APOBEC3C: variants seen among roughly 807,000 people sequenced by gnomAD.
APOBEC3C encodes the protein apolipoprotein B mRNA editing enzyme catalytic subunit 3C, also known as DNA dC->dU-editing enzyme APOBEC-3C.
A neutral mutation model predicts 20.6 loss-of-function variants in APOBEC3C; 14 were observed. That is an observed-to-expected ratio of 0.68 (90% CI 0.45 to 1.06). The LOEUF (loss-of-function observed/expected upper bound fraction) is 1.06, where lower values mean the gene tolerates loss of function less well. Ranked by LOEUF, APOBEC3C falls within the 50% of genes least tolerant of loss-of-function variation. The probability of loss-of-function intolerance (pLI) is 0.00; values close to 1 mark genes in which losing one functional copy is unlikely to be tolerated. For synonymous variants in APOBEC3C, 98 were observed against 88.8 expected, an observed-to-expected ratio of 1.10 and a Z score of -0.58; for missense variants, 244 against 241.9, an observed-to-expected ratio of 1.01 and a Z score of -0.06.
At chr22:39,014,511 C>T in intron 1 of APOBEC3C, 132 bp downstream of exon 1, 1 of 1,096,564 alleles carries the variant, frequency 9.1e-7, no homozygotes, top group Admixed American at 2.1e-5. Context: ...TCCCCCGCTG[C>T]CCCCACTCCC....
At position 39,018,396 on chromosome 22, in the gene APOBEC3C, C is replaced by T. The variant is rs889422195; in HGVS notation, c.*9C>T. ...GGGAGAGTCTCCAGTGAGGGGTCTC[C>T]CTGGGCCTCATGGTCTGTCTCCTCT... is the stretch of plus-strand genomic sequence containing the variant. On this transcript the variant is annotated 3_prime_UTR_variant, in exon 4 of 4. Transcript: ENST00000361441. 1 of 1,612,130 alleles carries T rather than the reference C, an allele frequency of 6.2e-7. No homozygotes were observed. Among genetic ancestry groups the T allele is most frequent in the African/African-American group, 1.3e-5 (1 of 74,790 alleles).
chr22:39,014,985 T>C (rs925364537), intron 1 of APOBEC3C, among the ~76,000 whole-genome samples: 5 of 150,924 alleles, frequency 3.3e-5, no homozygotes, highest in Non-Finnish European at 7.4e-5. Flanking sequence ...TAGGAAAAAA[T>C]ATGATGATCA....
In APOBEC3C at chr22:39,014,375, A is replaced by C; in HGVS notation, c.13A>C (p.Ile5Leu). The change falls in exon 1 of 4, where the codon ATC becomes CTC. Residue 5 changes from isoleucine to leucine, a missense_variant. Ile to Leu is a conservative substitution (Grantham distance 5, BLOSUM62 2). Transcript: ENST00000361441. Reference protein sequence around the residue: MNPQIRNPMKAMYPG... With the variant: MNPQLRNPMKAMYPG... ...TAAGAGGCTGAACATGAATCCACAGATCAGGTACCTCTGCACGCTTTGTCC... is the reference window on the plus strand; with the variant it reads ...TAAGAGGCTGAACATGAATCCACAGCTCAGGTACCTCTGCACGCTTTGTCC... 1 of 1,614,194 alleles carries C rather than the reference A, an allele frequency of 6.2e-7. No homozygotes were observed. Among genetic ancestry groups the C allele is most frequent in the Non-Finnish European group, 8.5e-7 (1 of 1,180,010 alleles).
Position 39,018,277 on chromosome 22 carries a change from T to G in APOBEC3C, c.463T>G (p.Tyr155Asp). Residue 155 changes from tyrosine (Y) to aspartate (D), a missense_variant, in exon 4 of 4, where the codon TAT (tyrosine) becomes GAT (aspartate). Transcript: ENST00000361441. ...TCCTTGTTTTTTCTCAGATTTTAAA[T>G]ATTGTTGGGAAAACTTTGTGTACAA... ...VEIMDYEDFK[Y>D]CWENFVYNDN... 5.0e-6 allele frequency: 8 copies of G among 1,613,674 alleles called. No individual in the cohort carries two copies. Among genetic ancestry groups the G allele is most frequent in the Non-Finnish European group, 6.8e-6 (8 of 1,179,776 alleles).
At position 39,018,880 on chromosome 22, in the gene APOBEC3C, T is replaced by C. The variant is rs1924907612; in HGVS notation, c.*493T>C. The C allele has an allele frequency of 7.1e-6, 1 of 141,462 alleles. No individual in the cohort carries two copies. The highest frequency in any genetic ancestry group is 7.0e-5 in the Admixed American group (1 of 14,222). 8.8% of individuals were successfully genotyped at this position (141,462 alleles called of 1,614,324 possible). On this transcript the variant is annotated 3_prime_UTR_variant, in exon 4 of 4. Transcript: ENST00000361441. ...GGTGGCATGCATCTGTAGTCCAAGC[T>C]ACTTGGGAGGCTGAAGTGGGAGGAT...
In APOBEC3C at chr22:39,016,000, C is replaced by T. The variant is rs1219835420; in HGVS notation, c.174+249C>T. 3.3e-5 allele frequency among the ~76,000 whole-genome samples: 5 copies of T among 151,792 alleles called. No homozygotes were observed. In the East Asian group the frequency reaches 9.7e-4, roughly 29 times the overall value. Reference sequence around the variant, plus strand: ...ACGCGATTCTCCTGCCTCAGTCTCCCGAGTAGCTGGGATTACAGGCACCTG... The same window carrying T: ...ACGCGATTCTCCTGCCTCAGTCTCCTGAGTAGCTGGGATTACAGGCACCTG... On this transcript the variant is annotated intron_variant, in intron 2 of 3. Coordinates refer to ENST00000361441, the MANE Select transcript of APOBEC3C (RefSeq NM_014508.3).
rs1162715101 is a variant in APOBEC3C at position 39,020,092 on chromosome 22, G to A, written c.*1705G>A. The A allele has an allele frequency of 2.0e-5, 3 of 152,136 alleles. No individual in the cohort carries two copies. Among genetic ancestry groups the A allele is most frequent in the African/African-American group, 4.8e-5 (2 of 41,404 alleles). 9.4% of individuals were successfully genotyped at this position (152,136 alleles called of 1,614,324 possible). A position where few individuals can be genotyped will look rare whatever the true frequency, so the allele number is the denominator to read the frequency against. ...ATTACAGGCATCAGCCACTATGCCC[G>A]GCTGGGATCATATGTTCCACACATG... On this transcript the variant is annotated 3_prime_UTR_variant, in exon 4 of 4. Coordinates refer to ENST00000361441, the MANE Select transcript of APOBEC3C (RefSeq NM_014508.3).
At chr22:39,017,334 T>C (rs1360437899) in intron 2 of APOBEC3C, among the ~76,000 whole-genome samples, 1 of 150,542 alleles carries the variant, frequency 6.6e-6, no homozygotes, top group African/African-American at 2.4e-5. Context: ...GCCAGAAAAA[T>C]GAAAAGTAAA....
Position 39,017,822 on chromosome 22 carries a change from C to A in APOBEC3C, c.231C>A (p.Asp77Glu). 1.9e-6 allele frequency: 3 copies of A among 1,614,050 alleles called. No homozygotes were observed. Among genetic ancestry groups the A allele is most frequent in the Non-Finnish European group, 2.5e-6 (3 of 1,179,934 alleles). ...AERCFLSWFCDDILSPNTKYQ... is the reference protein window; with the variant it reads ...AERCFLSWFCEDILSPNTKYQ... ...GGTGCTTCCTCTCTTGGTTCTGCGA[C>A]GACATACTGTCTCCTAACACAAAGT... The change falls in exon 3 of 4, where the codon GAC (aspartate) becomes GAA (glutamate). Residue 77 changes from aspartate (D) to glutamate (E), a missense_variant. By Grantham distance (45) the Asp-to-Glu change is conservative. Transcript: ENST00000361441.
chr22:39,015,721 C>A lies in APOBEC3C; in HGVS notation c.144C>A (p.Val48=), dbSNP rs773238757. 6.2e-7 allele frequency: 1 copy of A among 1,614,046 alleles called. No homozygotes were observed. Among genetic ancestry groups the A allele is most frequent in the East Asian group, 2.2e-5 (1 of 44,878 alleles). ...AAGGTATAAAGCGCCGCTCAGTTGT[C>A]TCCTGGAAGACGGGCGTCTTCCGAA... is the stretch of plus-strand genomic sequence containing the variant. The part of the protein sequence containing the change: ...TVEGIKRRSV[V]SWKTGVFRNQ... The change falls in exon 2 of 4, where the codon GTC becomes GTA. Residue 48 remains valine, a synonymous_variant. Transcript: ENST00000361441.
intron 2 of APOBEC3C, 91 bp downstream of exon 2, chr22:39,015,842 C>A: frequency 7.6e-7 from 1 of 1,311,958 alleles, no homozygotes; most frequent in Non-Finnish European, 1.1e-6. Flanking sequence ...CCGGCGTGGG[C>A]TCTCCTGTGT....
chr22:39,015,572 G>A (rs758913511), intron 1 of APOBEC3C, 23 bp from the exon 2 acceptor site: 1 of 1,611,844 alleles, frequency 6.2e-7, no homozygotes, highest in Non-Finnish European at 8.5e-7. Context: ...CTCTGCATTG[G>A]GGTTTCTCTC....
At position 39,019,691 on chromosome 22, in the gene APOBEC3C, C is replaced by G. The variant is rs998688143; in HGVS notation, c.*1304C>G. On this transcript the variant is annotated 3_prime_UTR_variant, in exon 4 of 4. Transcript: ENST00000361441. ...CGAGGGGTGGGTGGGGTTGTTTCCT[C>G]TGAGGCCGCTCCTTCTGGCTGGCAG... is the stretch of plus-strand genomic sequence containing the variant. The G allele has an allele frequency of 5.3e-5, 8 of 151,832 alleles. No individual in the cohort carries two copies. The highest frequency in any genetic ancestry group is 1.9e-4 in the African/African-American group (8 of 41,312). 9.4% of individuals were successfully genotyped at this position (151,832 alleles called of 1,614,324 possible).
chr22:39,019,681 G>A lies in APOBEC3C; in HGVS notation c.*1294G>A, dbSNP rs1378635627. 2.0e-5 allele frequency: 3 copies of A among 151,950 alleles called. No homozygotes were observed. Among genetic ancestry groups the A allele is most frequent in the African/African-American group, 4.8e-5 (2 of 41,324 alleles). The allele number at this position is 151,950 out of a possible 1,614,324, so 9.4% of individuals were successfully genotyped here. A position where few individuals can be genotyped will look rare whatever the true frequency, so the allele number is the denominator to read the frequency against. On this transcript the variant is annotated 3_prime_UTR_variant, in exon 4 of 4. Transcript: ENST00000361441. ...GGTCCAACTTCGAGGGGTGGGTGGG[G>A]TTGTTTCCTCTGAGGCCGCTCCTTC...
chr22:39,018,103 G>C (rs1385897747), intron 3 of APOBEC3C, 58 bp downstream of exon 3: 1 of 1,597,050 alleles, frequency 6.3e-7, no homozygotes. Flanking sequence ...AGGGGCAGAT[G>C]GTTCTCCAAT....
In APOBEC3C at chr22:39,018,533, C is replaced by A; in HGVS notation, c.*146C>A. The A allele has an allele frequency of 3.3e-6, 3 of 908,692 alleles. No homozygotes were observed. The South Asian group carries it at 5.0e-5, about 15-fold the overall frequency. The allele number at this position is 908,692 out of a possible 1,614,324, so 56.3% of individuals were successfully genotyped here. ...AGGGCCATTCCACAGTGCTCCCCTG[C>A]CTCACCGCTTCCTCCTCGCTCTTCC... On this transcript the variant is annotated 3_prime_UTR_variant, in exon 4 of 4. Transcript: ENST00000361441.
rs532538893 is a variant in APOBEC3C, at chr22:39,016,080, G to A, written c.174+329G>A. Among the ~76,000 whole-genome samples, 31 of 151,874 alleles carry A rather than the reference G, an allele frequency of 2.0e-4. No individual in the cohort carries two copies. In the East Asian group the frequency reaches 2.7e-3, roughly 13 times the overall value. ...TTTAGTAGAAACAGGATTTTGCCAT[G>A]TTGGCCAGGCTGGTTTCGAACTCCT... On this transcript the variant is annotated intron_variant, in intron 2 of 3. Coordinates refer to ENST00000361441, the MANE Select transcript of APOBEC3C (RefSeq NM_014508.3).
At chr22:39,017,063 C>A (rs149430700) in intron 2 of APOBEC3C, among the ~76,000 whole-genome samples, 1,857 of 152,072 alleles carry the variant, frequency 0.012, 35 homozygotes, top group African/African-American at 0.042. Context: ...GAAACCCAGT[C>A]TCTACTAAAA....
Position 39,018,642 on chromosome 22 carries a change from C to T in APOBEC3C, c.*255C>T, listed in dbSNP as rs1555897355. 2.0e-5 allele frequency: 7 copies of T among 349,830 alleles called. No individual in the cohort carries two copies. The highest frequency in any genetic ancestry group is 1.0e-5 in the Non-Finnish European group (2 of 190,728). 21.7% of individuals were successfully genotyped at this position (349,830 alleles called of 1,614,324 possible). On this transcript the variant is annotated 3_prime_UTR_variant, in exon 4 of 4. Transcript: ENST00000361441. Reference sequence around the variant, plus strand: ...CCCCGTTCCTCCAGCCTGCGTGCCCCTAACCTGGCTTTTCCCATCTCCCCA... The same window carrying T: ...CCCCGTTCCTCCAGCCTGCGTGCCCTTAACCTGGCTTTTCCCATCTCCCCA...
Sources: gnomAD v4.1 joint callset for allele counts (sites outside exome capture counted in the v4.1 genomes callset) on GRCh38, gnomAD v4.1.1 for gene constraint, MANE v1.5 for transcripts, NCBI Gene and HGNC (gene_info 2026-07-23, HGNC 2026-07-21) for gene names.